GALNT7: variants seen among roughly 807,000 people sequenced by gnomAD.
The protein encoded by GALNT7 is N-acetylgalactosaminyltransferase 7.
GALNT7 carries 60 observed loss-of-function variants against 82.1 expected under a neutral mutation model. The observed-to-expected ratio is 0.73, with a 90% confidence interval of 0.59 to 0.91. The LOEUF (loss-of-function observed/expected upper bound fraction) is 0.91, where lower values mean the gene tolerates loss of function less well. GALNT7 is among the 40% of genes least tolerant of loss of function. GALNT7 has a pLI of 0.00. For synonymous variants in GALNT7, 243 were observed against 275.1 expected, an observed-to-expected ratio of 0.88 and a Z score of 1.15; for missense variants, 660 against 804.2, an observed-to-expected ratio of 0.82 and a Z score of 2.17.
At chr4:173,298,018 CTAAGT>C in intron 5 of GALNT7, 92 bp from the exon 6 acceptor site, 1 of 1,540,042 alleles carries the variant, frequency 6.5e-7, no homozygotes, top group African/African-American at 1.4e-5. Flanking sequence ...GAATGTTTAT[CTAAGT>C]TCTTTTTTTT....
At chr4:173,179,192 T>C (rs1192561543) in intron 1 of GALNT7, among the ~76,000 whole-genome samples, 3 of 152,246 alleles carry the variant, frequency 2.0e-5, no homozygotes, top group Non-Finnish European at 4.4e-5. Context: ...AATGGTATTA[T>C]TTATTATGTA....
At chr4:173,201,777 G>A (rs531044990) in intron 1 of GALNT7, among the ~76,000 whole-genome samples, 104 of 152,234 alleles carry the variant, frequency 6.8e-4, no homozygotes, top group African/African-American at 1.4e-3. Context: ...ATAATGCATC[G>A]GCCAGGTTGC....
At chr4:173,225,767 A>G (rs549158707) in intron 1 of GALNT7, among the ~76,000 whole-genome samples, 2 of 152,156 alleles carry the variant, frequency 1.3e-5, no homozygotes, top group Non-Finnish European at 2.9e-5. Context: ...TGAGATTTGG[A>G]TGCCTTATGT....
intron 1 of GALNT7, among the ~76,000 whole-genome samples, chr4:173,199,105 T>A (rs1006835754): frequency 6.6e-6 from 1 of 152,186 alleles, no homozygotes; most frequent in Non-Finnish European, 1.5e-5. Flanking sequence ...AATTTTTATA[T>A]ACAAAATATG....
chr4:173,253,761 T>C (rs1281678858), intron 2 of GALNT7, among the ~76,000 whole-genome samples: 1 of 152,198 alleles, frequency 6.6e-6, no homozygotes, highest in East Asian at 1.9e-4. Flanking sequence ...CTCGTTTACC[T>C]GAACTGGTCT....
intron 1 of GALNT7, among the ~76,000 whole-genome samples, chr4:173,235,629 C>T (rs1734199843): frequency 6.7e-6 from 1 of 149,376 alleles, no homozygotes; most frequent in African/African-American, 2.5e-5. Context: ...AATCTCTGCT[C>T]ACTGCATGCT....
rs1737875040 is a variant in GALNT7 at position 173,322,947 on chromosome 4, CTTTTTAG to C, written c.*1231_*1237del. ...GGTGTTCCCTAGTGTTTCTTAATTT[CTTTTTAG>C]AAAGTGTATTTTTATTAGTATTTTT... On this transcript the variant is annotated 3_prime_UTR_variant, in exon 12 of 12. Transcript: ENST00000265000. 6.6e-6 allele frequency: 1 copy of C among 151,992 alleles called. No homozygotes were observed. The highest frequency in any genetic ancestry group is 6.6e-5 in the Admixed American group (1 of 15,260). The allele number at this position is 151,992 out of a possible 1,614,324, so 9.4% of individuals were successfully genotyped here.
intron 2 of GALNT7, among the ~76,000 whole-genome samples, chr4:173,264,613 G>C (rs1735411408): frequency 6.6e-6 from 1 of 152,132 alleles, no homozygotes; most frequent in African/African-American, 2.4e-5. Flanking sequence ...CTATGCTTTT[G>C]TTCTTGGCAC....
intron 2 of GALNT7, among the ~76,000 whole-genome samples, chr4:173,285,084 A>C (rs931864925): frequency 6.6e-6 from 1 of 152,244 alleles, no homozygotes; most frequent in Non-Finnish European, 1.5e-5. Flanking sequence ...TAATATTTAC[A>C]GTCTTTTCAC....
chr4:173,284,911 A>G (rs1475861036), intron 2 of GALNT7, among the ~76,000 whole-genome samples: 2 of 152,172 alleles, frequency 1.3e-5, no homozygotes, highest in East Asian at 1.9e-4. Context: ...ATTTTTTTGT[A>G]TGGTTATTTT....
intron 2 of GALNT7, among the ~76,000 whole-genome samples, chr4:173,285,191 A>T (rs1285964092): frequency 6.6e-6 from 1 of 152,188 alleles, no homozygotes; most frequent in East Asian, 1.9e-4. Flanking sequence ...TAATCTTTTA[A>T]CTAAAAACAC....
At position 173,220,475 on chromosome 4, in the gene GALNT7, C is replaced by T. The variant is rs1733608060; in HGVS notation, c.127-27505C>T. 2.0e-5 allele frequency among the ~76,000 whole-genome samples: 3 copies of T among 152,058 alleles called. No homozygotes were observed. The South Asian group carries it at 6.2e-4, about 32-fold the overall frequency. On this transcript the variant is annotated intron_variant, in intron 1 of 11. Transcript: ENST00000265000. ...CTTAGTCTTGCATTGGCTATGCGAG[C>T]TCTTTTTTGGTTTTATTTCTTTTTT...
chr4:173,223,427 A>G (rs979162394), intron 1 of GALNT7, among the ~76,000 whole-genome samples: 1 of 152,200 alleles, frequency 6.6e-6, no homozygotes, highest in Non-Finnish European at 1.5e-5. Context: ...AAGAGAAGCA[A>G]ATCATACTAG....
chr4:173,238,219 C>T (rs1734299586), intron 1 of GALNT7, among the ~76,000 whole-genome samples: 1 of 151,970 alleles, frequency 6.6e-6, no homozygotes, highest in African/African-American at 2.4e-5. Flanking sequence ...TTTCTCTTCA[C>T]TTTCCCAATA....
chr4:173,244,905 G>C (rs1734567391), intron 1 of GALNT7, among the ~76,000 whole-genome samples: 1 of 152,146 alleles, frequency 6.6e-6, no homozygotes, highest in African/African-American at 2.4e-5. Context: ...TTCAGTCCCT[G>C]AAGTAAGGAG....
chr4:173,198,698 A>G (rs1380907300), intron 1 of GALNT7, among the ~76,000 whole-genome samples: 1 of 152,242 alleles, frequency 6.6e-6, no homozygotes, highest in African/African-American at 2.4e-5. Flanking sequence ...GCATCAATTC[A>G]TATATTATTT....
intron 1 of GALNT7, among the ~76,000 whole-genome samples, chr4:173,208,614 T>C (rs1364955707): frequency 6.6e-6 from 1 of 152,190 alleles, no homozygotes; most frequent in Non-Finnish European, 1.5e-5. Flanking sequence ...CAGGCTTTCA[T>C]CTCCACTGCA....
intron 2 of GALNT7, among the ~76,000 whole-genome samples, chr4:173,259,053 C>T (rs530458683): frequency 1.8e-4 from 28 of 152,306 alleles, no homozygotes; most frequent in Non-Finnish European, 3.4e-4. Context: ...CACACACATC[C>T]GCTTCCACCT....
chr4:173,184,721 A>C (rs372049310), intron 1 of GALNT7, among the ~76,000 whole-genome samples: 1 of 149,860 alleles, frequency 6.7e-6, no homozygotes, highest in Non-Finnish European at 1.5e-5. Context: ...AAATTACTAT[A>C]TGGAACAACT....
Sources: allele counts gnomAD v4.1 joint callset (sites outside exome capture counted in the v4.1 genomes callset), GRCh38; gene constraint gnomAD v4.1.1; transcripts MANE v1.5; gene names NCBI Gene and HGNC (gene_info 2026-07-23, HGNC 2026-07-21).